RNF150: variants seen among roughly 807,000 people sequenced by gnomAD.
RNF150 encodes the protein ring finger protein 150.
A neutral mutation model predicts 39.3 loss-of-function variants in RNF150; 24 were observed. That is an observed-to-expected ratio of 0.61 (90% confidence interval 0.44 to 0.86). RNF150 has a LOEUF of 0.86. Ranked by LOEUF, RNF150 falls within the 40% of genes least tolerant of loss-of-function variation. The probability of loss-of-function intolerance (pLI) is 0.00; values close to 1 mark genes in which losing one functional copy is unlikely to be tolerated. For missense variants in RNF150, 502 were observed against 587.8 expected (o/e 0.85, Z 1.51); for synonymous variants, 255 against 227.3 (o/e 1.12, Z -1.10).
chr4:140,868,271 A>T lies in RNF150; in HGVS notation c.1307T>A (p.Val436Glu), dbSNP rs781554169. 6.3e-7 allele frequency: 1 copy of T among 1,579,670 alleles called. No individual in the cohort carries two copies. The highest frequency in any genetic ancestry group is 1.1e-5 in the South Asian group (1 of 90,248). ...TCTGGATTTGTCGTTTCAAGATTTC[A>T]CTTCTTCACAGTCCTGGTCAGTGGA... ...ELSTDQDCEE[V>E]KS Residue 436 changes from valine to glutamate, a missense_variant, in exon 7 of 7, where the codon GTG becomes GAG. Val to Glu is a moderately radical substitution (Grantham distance 121). Coordinates refer to ENST00000515673, the MANE Select transcript of RNF150 (RefSeq NM_020724.2).
At chr4:140,882,612 T>A (rs1309828561) in intron 6 of RNF150, among the ~76,000 whole-genome samples, 1 of 152,196 alleles carries the variant, frequency 6.6e-6, no homozygotes, top group Non-Finnish European at 1.5e-5. Flanking sequence ...CTCTGTTAGG[T>A]AAATATATAT....
chr4:140,984,111 C>T lies in RNF150; in HGVS notation c.485-16238G>A, dbSNP rs557136152. Among the ~76,000 whole-genome samples, 8 of 152,120 alleles carry T rather than the reference C, an allele frequency of 5.3e-5. No homozygotes were observed. The East Asian group carries it at 9.7e-4, about 18-fold the overall frequency. Reference sequence around the variant, plus strand: ...AATTTTCCACTTGCGGTGTTATGTCCGTGTTCAAAAATTTTAAATTTTGAA... The same window carrying T: ...AATTTTCCACTTGCGGTGTTATGTCTGTGTTCAAAAATTTTAAATTTTGAA... On this transcript the variant is annotated intron_variant, in intron 1 of 6. Transcript: ENST00000515673.
intron 1 of RNF150, among the ~76,000 whole-genome samples, chr4:141,125,920 TG>T (rs893075470): frequency 9.2e-5 from 14 of 152,190 alleles, no homozygotes; most frequent in African/African-American, 3.4e-4. Context: ...TGACCTAAAA[TG>T]TATAAACAAG....
chr4:141,185,280 T>C lies in RNF150; in HGVS notation c.-6+27514A>G, dbSNP rs552241170. Among the ~76,000 whole-genome samples, 11 of 152,284 alleles carry C rather than the reference T, an allele frequency of 7.2e-5. No individual in the cohort carries two copies. In the East Asian group the frequency reaches 2.1e-3, roughly 29 times the overall value. On this transcript the variant is annotated intron_variant, in intron 1 of 7. Transcript: ENST00000420921. Reference sequence around the variant, plus strand: ...AGTTGTATTCCTAGGTATTTTATTCTCTTTGTAGCAATTGTGAATGGAAGT... The same window carrying C: ...AGTTGTATTCCTAGGTATTTTATTCCCTTTGTAGCAATTGTGAATGGAAGT...
intron 1 of RNF150, among the ~76,000 whole-genome samples, chr4:141,143,522 G>T (rs375653600): frequency 6.6e-6 from 1 of 152,058 alleles, no homozygotes; most frequent in African/African-American, 2.4e-5. Context: ...CACCAGGCTC[G>T]CTTGTCACAG....
At chr4:140,959,059 C>T (rs1732904789) in intron 2 of RNF150, among the ~76,000 whole-genome samples, 1 of 152,124 alleles carries the variant, frequency 6.6e-6, no homozygotes, top group African/African-American at 2.4e-5. Flanking sequence ...CCCAACCTGG[C>T]CTGCCTTGCT....
At chr4:141,093,381 G>C (rs535458513) in intron 1 of RNF150, among the ~76,000 whole-genome samples, 8 of 151,258 alleles carry the variant, frequency 5.3e-5, no homozygotes, top group African/African-American at 7.3e-5. Flanking sequence ...AAAAAAAAGG[G>C]GGGGGAAAGG....
chr4:141,093,937 G>A (rs1738685142), intron 1 of RNF150, among the ~76,000 whole-genome samples: 1 of 152,156 alleles, frequency 6.6e-6, no homozygotes, highest in South Asian at 2.1e-4. Context: ...GGCTATAAAA[G>A]TTGACTAAAC....
At position 141,005,971 on chromosome 4, in the gene RNF150, A is replaced by C. The variant is rs1417694188; in HGVS notation, c.485-38098T>G. On this transcript the variant is annotated intron_variant, in intron 1 of 6. Transcript: ENST00000515673. ...GTAGTCCCAGCTACTTGGGAGGCTG[A>C]GGCAGGAGAATGGCGTGAACCCGGG... Among the ~76,000 whole-genome samples, 7 of 145,262 alleles carry C rather than the reference A, an allele frequency of 4.8e-5. 2 individuals are homozygous for C. Among genetic ancestry groups the C allele is most frequent in the Non-Finnish European group, 1.1e-4 (7 of 65,628 alleles).
intron 1 of RNF150, among the ~76,000 whole-genome samples, chr4:140,983,864 C>T (rs1017801861): frequency 6.6e-6 from 1 of 151,424 alleles, no homozygotes. Context: ...CTCAGCCTCT[C>T]GAGTAGCTGG....
intron 1 of RNF150, among the ~76,000 whole-genome samples, chr4:141,063,986 T>C (rs1248172260): frequency 2.6e-5 from 3 of 116,148 alleles, no homozygotes; most frequent in African/African-American, 8.7e-5. Context: ...CGACAAAAAG[T>C]TCTACAAAAA....
intron 1 of RNF150, among the ~76,000 whole-genome samples, chr4:140,997,714 A>ATATGTGTGTGTATATATACACACACATC (rs1734431952): frequency 6.6e-6 from 1 of 151,420 alleles, no homozygotes. Flanking sequence ...ACACACACAT[A>ATATGTGTGTGTATATATACACACACATC]TATGTGTGTA....
intron 1 of RNF150, among the ~76,000 whole-genome samples, chr4:141,150,009 T>C (rs1474087435): frequency 6.6e-6 from 1 of 152,202 alleles, no homozygotes; most frequent in African/African-American, 2.4e-5. Flanking sequence ...GTAGTTGTCT[T>C]GGTCTAAGGA....
chr4:141,160,057 C>T (rs1727484613), intron 1 of RNF150, among the ~76,000 whole-genome samples: 1 of 152,114 alleles, frequency 6.6e-6, no homozygotes, highest in African/African-American at 2.4e-5. Context: ...TCACCTGGCA[C>T]CTGGTAAGAA....
At chr4:140,984,627 A>T (rs970096155) in intron 1 of RNF150, among the ~76,000 whole-genome samples, 7 of 152,094 alleles carry the variant, frequency 4.6e-5, no homozygotes, top group Non-Finnish European at 8.8e-5. Context: ...CCTATCCCAT[A>T]CATTTTAGTG....
upstream of RNF150, among the ~76,000 whole-genome samples, chr4:141,135,024 G>A (rs1461471970): frequency 6.6e-6 from 1 of 152,208 alleles, no homozygotes; most frequent in Non-Finnish European, 1.5e-5. Flanking sequence ...AGAGATGACA[G>A]GGTCAAGGAA....
At chr4:141,102,748 T>C (rs1462464477) in intron 1 of RNF150, among the ~76,000 whole-genome samples, 2 of 152,210 alleles carry the variant, frequency 1.3e-5, no homozygotes, top group African/African-American at 4.8e-5. Flanking sequence ...AAGATTTTAA[T>C]TCATACCATG....
At chr4:140,990,491 C>G (rs1227333379) in intron 1 of RNF150, among the ~76,000 whole-genome samples, 1 of 152,192 alleles carries the variant, frequency 6.6e-6, no homozygotes, top group Non-Finnish European at 1.5e-5. Flanking sequence ...GCTATCCCTC[C>G]TCACATCCCA....
At chr4:140,917,033 C>A (rs1578961870) in intron 5 of RNF150, among the ~76,000 whole-genome samples, 1 of 152,272 alleles carries the variant, frequency 6.6e-6, no homozygotes, top group Non-Finnish European at 1.5e-5. Flanking sequence ...AAAAGAGCTC[C>A]TGAAGGAAGC....
Sources: gnomAD v4.1 joint callset for allele counts (sites outside exome capture counted in the v4.1 genomes callset) on GRCh38, gnomAD v4.1.1 for gene constraint, MANE v1.5 for transcripts, NCBI Gene and HGNC (gene_info 2026-07-23, HGNC 2026-07-21) for gene names.